FBXL20: variants seen among roughly 807,000 people sequenced by gnomAD.
The protein encoded by FBXL20 is F-box/LRR-repeat protein 20.
Under a neutral mutation model 64.0 loss-of-function variants are expected in FBXL20, and 11 were observed. That is an observed-to-expected ratio of 0.17 (90% CI 0.11 to 0.28). The LOEUF (loss-of-function observed/expected upper bound fraction) is 0.28. FBXL20 is among the 10% of genes least tolerant of loss of function. The pLI, the probability that FBXL20 is intolerant of heterozygous loss-of-function variation, is 1.00. For missense variants in FBXL20, 303 were observed against 526.2 expected, an observed-to-expected ratio of 0.58 and a Z score of 4.15; for synonymous variants, 184 against 189.0, an observed-to-expected ratio of 0.97 and a Z score of 0.22.
intron 2 of FBXL20, among the ~76,000 whole-genome samples, chr17:39,311,109 G>A (rs1251458072): frequency 1.3e-5 from 2 of 152,150 alleles, no homozygotes; most frequent in African/African-American, 4.8e-5. Context: ...CGAGGTTGCA[G>A]TGAGCTATGA....
intron 1 of FBXL20, among the ~76,000 whole-genome samples, chr17:39,360,821 G>A (rs1248849158): frequency 6.6e-6 from 1 of 152,098 alleles, no homozygotes; most frequent in African/African-American, 2.4e-5. Context: ...GGAACTCCTT[G>A]TTCAGAGGCC....
chr17:39,393,375 T>C (rs2048153645), intron 1 of FBXL20, among the ~76,000 whole-genome samples: 1 of 152,122 alleles, frequency 6.6e-6, no homozygotes, highest in African/African-American at 2.4e-5. Flanking sequence ...AAATGCATTC[T>C]CCACTTGATC....
At chr17:39,309,046 C>T (rs1303030136) in intron 2 of FBXL20, among the ~76,000 whole-genome samples, 1 of 152,112 alleles carries the variant, frequency 6.6e-6, no homozygotes, top group African/African-American at 2.4e-5. Context: ...GTCTAGGATT[C>T]CTTATTAAAA....
intron 2 of FBXL20, among the ~76,000 whole-genome samples, chr17:39,331,705 G>A (rs2047462973): frequency 6.6e-6 from 1 of 152,108 alleles, no homozygotes; most frequent in South Asian, 2.1e-4. Flanking sequence ...TTTAAGGAAA[G>A]GTAATTTAAT....
At chr17:39,371,911 C>A (rs1323648541) in intron 1 of FBXL20, among the ~76,000 whole-genome samples, 2 of 152,122 alleles carry the variant, frequency 1.3e-5, no homozygotes, top group Non-Finnish European at 2.9e-5. Flanking sequence ...AATCTATCTT[C>A]CCATTATAGA....
At position 39,258,761 on chromosome 17, in the gene FBXL20, CA is replaced by C. The variant is rs1209428095; in HGVS notation, c.*2698del. ...TACAGGCACTAAAACAACAACAAAA[CA>C]CCTTAAACTTTAAAGCAGATGGCCC... On this transcript the variant is annotated 3_prime_UTR_variant, in exon 15 of 15. Transcript: ENST00000264658. 2 of 152,210 alleles carry C rather than the reference CA, an allele frequency of 1.3e-5. No individual in the cohort carries two copies. Among genetic ancestry groups the C allele is most frequent in the African/African-American group, 2.4e-5 (1 of 41,456 alleles). The allele number at this position is 152,210 out of a possible 1,614,324, so 9.4% of individuals were successfully genotyped here.
intron 5 of FBXL20, among the ~76,000 whole-genome samples, chr17:39,298,031 C>T (rs1354936533): frequency 6.6e-6 from 1 of 152,142 alleles, no homozygotes; most frequent in Non-Finnish European, 1.5e-5. Flanking sequence ...GCTATCACAC[C>T]TGGCTTAAAT....
chr17:39,310,178 C>A lies in FBXL20; in HGVS notation c.105-6539G>T, dbSNP rs141011999. On this transcript the variant is annotated intron_variant, in intron 2 of 14. Transcript: ENST00000264658. ...TAAAAAAAAAAAAAAAGAAAAGAAA[C>A]GAAACAACTTGCTGAAACTCCTTCT... Among the ~76,000 whole-genome samples the A allele has an allele frequency of 9.6e-4, 143 of 148,826 alleles. 1 individual carries two copies. The East Asian group carries it at 0.018, about 19-fold the overall frequency.
chr17:39,388,582 C>G (rs1053189463), intron 1 of FBXL20, among the ~76,000 whole-genome samples: 1 of 150,134 alleles, frequency 6.7e-6, no homozygotes, highest in African/African-American at 2.4e-5. Context: ...CTCTCGGGTT[C>G]AAGCAATTCT....
At chr17:39,318,741 A>C (rs2047320937) in intron 2 of FBXL20, among the ~76,000 whole-genome samples, 1 of 151,990 alleles carries the variant, frequency 6.6e-6, no homozygotes, top group African/African-American at 2.4e-5. Context: ...ACTCCATCTT[A>C]AACAAACAAA....
At chr17:39,322,307 A>G (rs2047364637) in intron 2 of FBXL20, among the ~76,000 whole-genome samples, 1 of 152,042 alleles carries the variant, frequency 6.6e-6, no homozygotes, top group Admixed American at 6.6e-5. Flanking sequence ...GTATAATTAT[A>G]TGGAAGTGAG....
chr17:39,287,870 T>C (rs1046270908), intron 6 of FBXL20, among the ~76,000 whole-genome samples: 1 of 152,154 alleles, frequency 6.6e-6, no homozygotes, highest in Non-Finnish European at 1.5e-5. Flanking sequence ...CAAATCCTTG[T>C]CAACACTTGG....
chr17:39,342,732 A>T (rs1390681661), intron 2 of FBXL20, among the ~76,000 whole-genome samples: 1 of 151,662 alleles, frequency 6.6e-6, no homozygotes, highest in Non-Finnish European at 1.5e-5. Context: ...AACAAAAAAA[A>T]TTAGCCAGAC....
At chr17:39,279,131 G>A (rs887111377) in intron 9 of FBXL20, among the ~76,000 whole-genome samples, 11 of 151,864 alleles carry the variant, frequency 7.2e-5, no homozygotes, top group African/African-American at 2.2e-4. Context: ...GCGATACAGC[G>A]AGACTCCGTC....
intron 1 of FBXL20, among the ~76,000 whole-genome samples, chr17:39,399,789 AAAAATAC>A (rs2048223691): frequency 6.6e-6 from 1 of 152,224 alleles, no homozygotes; most frequent in African/African-American, 2.4e-5. Flanking sequence ...AGATAATTAT[AAAAATAC>A]AAAATAGCAA....
intron 1 of FBXL20, among the ~76,000 whole-genome samples, chr17:39,396,849 C>T (rs1243496031): frequency 6.6e-6 from 1 of 150,400 alleles, no homozygotes; most frequent in Non-Finnish European, 1.5e-5. Flanking sequence ...CCCAGCTACT[C>T]GGGAGGCTGC....
At chr17:39,264,476 T>C (rs1040453868) in intron 13 of FBXL20, 89 bp from the exon 14 acceptor site, 17 of 1,446,850 alleles carry the variant, frequency 1.2e-5, no homozygotes, top group Non-Finnish European at 1.4e-5. Flanking sequence ...AGGAGACATT[T>C]TGGTTTGATT....
At chr17:39,299,961 G>A (rs1255044719) in intron 4 of FBXL20, among the ~76,000 whole-genome samples, 1 of 151,732 alleles carries the variant, frequency 6.6e-6, no homozygotes, top group Non-Finnish European at 1.5e-5. Context: ...GCCGGGCATG[G>A]TGGCTCACAC....
chr17:39,323,748 CTTG>C (rs2047380101), intron 2 of FBXL20, among the ~76,000 whole-genome samples: 1 of 151,706 alleles, frequency 6.6e-6, no homozygotes, highest in Non-Finnish European at 1.5e-5. Flanking sequence ...CAGACACCAC[CTTG>C]TTATGTCTTT....
Sources: allele counts gnomAD v4.1 joint callset (sites outside exome capture counted in the v4.1 genomes callset), GRCh38; gene constraint gnomAD v4.1.1; transcripts MANE v1.5; gene names NCBI Gene and HGNC (gene_info 2026-07-23, HGNC 2026-07-21).